The following DIAPH2 variants were observed in gnomAD, a reference collection of about 807,000 sequenced individuals.
DIAPH2 encodes the protein protein diaphanous homolog 2.
Under a neutral mutation model 92.7 loss-of-function variants are expected in DIAPH2, and 35 were observed. That is an observed-to-expected ratio of 0.38 (90% CI 0.29 to 0.50). The LOEUF is 0.50. Ranked by LOEUF, DIAPH2 falls within the 20% of genes least tolerant of loss-of-function variation. The probability of loss-of-function intolerance (pLI) is 0.94; values close to 1 mark genes in which losing one functional copy is unlikely to be tolerated. For synonymous variants in DIAPH2, 301 were observed against 280.4 expected, an observed-to-expected ratio of 1.07 and a Z score of -0.73; for missense variants, 701 against 819.5, an observed-to-expected ratio of 0.86 and a Z score of 1.77.
intron 21 of DIAPH2, among the ~76,000 whole-genome samples, chrX:97,115,485 G>A (rs1049633523): frequency 2.7e-5 from 3 of 110,928 alleles, no homozygotes; most frequent in African/African-American, 9.9e-5. Context: ...GGAGTGAGCC[G>A]AGATCATGCC....
At chrX:96,908,837 G>T (rs999953569) in intron 5 of DIAPH2, among the ~76,000 whole-genome samples, 10 of 111,691 alleles carry the variant, frequency 9.0e-5, no homozygotes, top group Non-Finnish European at 1.1e-4. Context: ...CTGACCTCGT[G>T]ATCCGCCCGC....
intron 26 of DIAPH2, among the ~76,000 whole-genome samples, chrX:97,576,288 G>T (rs898296361): frequency 4.5e-5 from 5 of 111,500 alleles, no homozygotes; most frequent in African/African-American, 1.6e-4. Context: ...ACATTAATGG[G>T]TTCCAACTTG....
intron 21 of DIAPH2, among the ~76,000 whole-genome samples, chrX:97,140,419 A>C (rs774670089): frequency 3.2e-4 from 36 of 111,340 alleles, no homozygotes; most frequent in Non-Finnish European, 6.2e-4. Flanking sequence ...TTCTACCTTA[A>C]AGTACTTAAA....
chrX:96,709,915 T>C (rs1181522477), intron 1 of DIAPH2, among the ~76,000 whole-genome samples: 2 of 112,274 alleles, frequency 1.8e-5, no homozygotes, highest in African/African-American at 3.2e-5. Context: ...TAACATTCTT[T>C]CCATGACAGA....
intron 23 of DIAPH2, among the ~76,000 whole-genome samples, chrX:97,266,956 C>G (rs1453845100): frequency 9.0e-6 from 1 of 111,547 alleles, no homozygotes; most frequent in Non-Finnish European, 1.9e-5. Context: ...CATTTTTTGA[C>G]ACATCCTTTA....
At chrX:97,320,317 T>C (rs1602504905) in intron 23 of DIAPH2, among the ~76,000 whole-genome samples, 2 of 109,806 alleles carry the variant, frequency 1.8e-5, no homozygotes, top group Admixed American at 2.0e-4. Context: ...CTAAATTAAC[T>C]AACTGTAGGC....
At chrX:97,013,788 A>G (rs1287722469) in intron 17 of DIAPH2, among the ~76,000 whole-genome samples, 1 of 112,228 alleles carries the variant, frequency 8.9e-6, no homozygotes, top group Non-Finnish European at 1.9e-5. Context: ...GCACCTGGAC[A>G]TGGCACTGGA....
At chrX:97,570,402 A>T (rs1464711423) in intron 26 of DIAPH2, among the ~76,000 whole-genome samples, 14 of 107,365 alleles carry the variant, frequency 1.3e-4, no homozygotes, top group African/African-American at 4.7e-4. Flanking sequence ...ATTTAGTCCA[A>T]GAAAAGAAAA....
chrX:97,059,382 A>G (rs1014675206), intron 17 of DIAPH2, among the ~76,000 whole-genome samples: 2 of 111,764 alleles, frequency 1.8e-5, no homozygotes, highest in Non-Finnish European at 3.8e-5. Context: ...GGTATCAGAT[A>G]TAATCTCTGC....
chrX:96,997,697 C>T (rs2066114100), intron 17 of DIAPH2, among the ~76,000 whole-genome samples: 1 of 111,337 alleles, frequency 9.0e-6, no homozygotes, highest in South Asian at 3.8e-4. Flanking sequence ...TTATGGAAGA[C>T]CTTAAGTCGT....
chrX:97,143,093 G>A (rs5967040), intron 22 of DIAPH2, among the ~76,000 whole-genome samples: 50,605 of 109,773 alleles, frequency 0.46, 8,901 homozygotes, highest in Admixed American at 0.6. Context: ...ATTTTCTTTC[G>A]TTGTTTTCAA....
chrX:96,933,172 A>G (rs749540552), intron 10 of DIAPH2, among the ~76,000 whole-genome samples: 1 of 110,223 alleles, frequency 9.1e-6, no homozygotes, highest in East Asian at 2.8e-4. Flanking sequence ...GAGGTTGGGC[A>G]TGTCCCCCTA....
intron 22 of DIAPH2, among the ~76,000 whole-genome samples, chrX:97,246,463 G>T (rs761525778): frequency 2.7e-5 from 3 of 111,829 alleles, no homozygotes; most frequent in African/African-American, 9.7e-5. Flanking sequence ...AACTAAATTG[G>T]ACAGAGCTAT....
At chrX:97,129,951 T>G (rs779479115) in intron 21 of DIAPH2, among the ~76,000 whole-genome samples, 1 of 111,649 alleles carries the variant, frequency 9.0e-6, no homozygotes, top group South Asian at 3.7e-4. Flanking sequence ...GTAAACAAAT[T>G]GAATAAATAT....
chrX:97,358,539 G>C (rs188867637), intron 24 of DIAPH2, among the ~76,000 whole-genome samples: 1 of 111,216 alleles, frequency 9.0e-6, no homozygotes. Flanking sequence ...ATGTGCAATA[G>C]TCCAAATTAA....
chrX:96,979,587 C>T (rs910064580), intron 17 of DIAPH2, among the ~76,000 whole-genome samples: 1 of 112,158 alleles, frequency 8.9e-6, no homozygotes, highest in Non-Finnish European at 1.9e-5. Flanking sequence ...AATTTACTAT[C>T]GTCTTGACTC....
chrX:97,097,465 T>G (rs2147360589), intron 19 of DIAPH2, among the ~76,000 whole-genome samples: 1 of 111,933 alleles, frequency 8.9e-6, no homozygotes, highest in Non-Finnish European at 1.9e-5. Context: ...TACAGCTGAA[T>G]AGAGAAAAGA....
chrX:97,201,415 C>T (rs773667589), intron 22 of DIAPH2, among the ~76,000 whole-genome samples: 1 of 101,166 alleles, frequency 9.9e-6, no homozygotes, highest in African/African-American at 3.4e-5. Flanking sequence ...AAGCTAAGAA[C>T]CTTGATAAAA....
At chrX:97,562,223 C>T (rs958803109) in intron 26 of DIAPH2, among the ~76,000 whole-genome samples, 3 of 110,004 alleles carry the variant, frequency 2.7e-5, no homozygotes, top group Admixed American at 9.7e-5. Context: ...TGGCCGGGCG[C>T]GGTGGCTCAT....
Sources: allele counts gnomAD v4.1 joint callset (sites outside exome capture counted in the v4.1 genomes callset), GRCh38; gene constraint gnomAD v4.1.1; transcripts MANE v1.5; gene names NCBI Gene and HGNC (gene_info 2026-07-23, HGNC 2026-07-21).